Variants in LCOR observed in about 807,000 individuals in gnomAD.
LCOR encodes ligand dependent nuclear receptor corepressor, also known as ligand-dependent corepressor.
LCOR carries 14 observed loss-of-function variants against 64.4 expected under a neutral mutation model. The ratio of observed to expected loss-of-function variants is 0.22; its 90% confidence interval spans 0.14 to 0.34. The LOEUF is 0.34. Ranked by LOEUF, LCOR falls within the 10% of genes least tolerant of loss-of-function variation. LCOR has a pLI of 1.00. For synonymous variants in LCOR, 643 were observed against 642.5 expected, an observed-to-expected ratio of 1.00 and a Z score of -0.01; for missense variants, 1,686 against 1,765.3, an observed-to-expected ratio of 0.96 and a Z score of 0.80.
chr10:96,951,636 A>G (rs1008382665), intron 6 of LCOR, among the ~76,000 whole-genome samples: 1 of 152,130 alleles, frequency 6.6e-6, no homozygotes, highest in African/African-American at 2.4e-5. Context: ...TCTTATTTAA[A>G]GTTTTCTATA....
At chr10:96,860,603 A>G (rs1363933722) in intron 2 of LCOR, among the ~76,000 whole-genome samples, 1 of 152,264 alleles carries the variant, frequency 6.6e-6, no homozygotes, top group Non-Finnish European at 1.5e-5. Context: ...CAGCAGTCCT[A>G]GAAAGCTAAT....
At position 96,833,210 on chromosome 10, in the gene LCOR, C is replaced by T. The variant is rs1006408545; in HGVS notation, c.-403-196C>T. On this transcript the variant is annotated intron_variant, in intron 1 of 7. Transcript: ENST00000421806. ...AGCCCCGGCGGGGGTCGCTCTCGTCCCCTCCCGGGGATTGGCCGGAGCCGC... is the reference window on the plus strand; with the variant it reads ...AGCCCCGGCGGGGGTCGCTCTCGTCTCCTCCCGGGGATTGGCCGGAGCCGC... The T allele has an allele frequency of 9.1e-6, 9 of 983,676 alleles. No homozygotes were observed. The African/African-American group carries it at 1.4e-4, about 15-fold the overall frequency. The allele number at this position is 983,676 out of a possible 1,614,324, so 60.9% of individuals were successfully genotyped here. A position where few individuals can be genotyped will look rare whatever the true frequency, so the allele number is the denominator to read the frequency against.
intron 7 of LCOR, chr10:96,956,572 C>G (rs1363524111): frequency 2.0e-6 from 2 of 985,474 alleles, no homozygotes; most frequent in East Asian, 2.3e-4. Flanking sequence ...TAGTGCTCAC[C>G]CAGAGGGGAA....
At chr10:96,923,627 G>A (rs1034582318) in intron 4 of LCOR, among the ~76,000 whole-genome samples, 4 of 152,114 alleles carry the variant, frequency 2.6e-5, no homozygotes, top group Admixed American at 6.5e-5. Flanking sequence ...AGAAACTTTC[G>A]GAAATGTTCA....
intron 2 of LCOR, among the ~76,000 whole-genome samples, chr10:96,882,097 A>T (rs1474275618): frequency 1.3e-5 from 2 of 152,320 alleles, no homozygotes; most frequent in East Asian, 1.9e-4. Flanking sequence ...TGTATTAATT[A>T]TTCGAACTAA....
At position 96,982,872 on chromosome 10, in the gene LCOR, A is replaced by G. The variant is rs1443224164; in HGVS notation, c.2412A>G (p.Lys804=). The change falls in exon 8 of 8, where the codon AAA becomes AAG. Residue 804 remains lysine, a synonymous_variant. Transcript: ENST00000421806. The stretch of plus-strand genomic sequence containing the variant: ...TCGAAGAGAATTTGGACAAGAAGAA[A>G]AAAGGTAAAAAATTCCCTGAGGCCT... The part of the protein sequence containing the change: ...DSLEENLDKK[K]KGKKFPEASD... The G allele has an allele frequency of 1.2e-6, 2 of 1,613,946 alleles. No individual in the cohort carries two copies. Among genetic ancestry groups the G allele is most frequent in the African/African-American group, 1.3e-5 (1 of 74,946 alleles).
chr10:96,878,197 T>C (rs1846202701), intron 2 of LCOR, among the ~76,000 whole-genome samples: 1 of 152,170 alleles, frequency 6.6e-6, no homozygotes, highest in African/African-American at 2.4e-5. Flanking sequence ...AGCAGCATTG[T>C]AGGCGTTTGA....
chr10:96,870,562 G>A (rs901548414), intron 2 of LCOR, among the ~76,000 whole-genome samples: 3 of 152,140 alleles, frequency 2.0e-5, no homozygotes, highest in African/African-American at 7.2e-5. Flanking sequence ...CTAATTTCAA[G>A]TCTTTTTAAA....
At chr10:96,880,387 C>G (rs1846242740) in intron 2 of LCOR, among the ~76,000 whole-genome samples, 1 of 151,944 alleles carries the variant, frequency 6.6e-6, no homozygotes, top group Non-Finnish European at 1.5e-5. Context: ...ATCTATATTC[C>G]TTGTTTTTTG....
At chr10:96,966,781 G>C (rs1004415070) in intron 7 of LCOR, among the ~76,000 whole-genome samples, 3 of 152,154 alleles carry the variant, frequency 2.0e-5, no homozygotes, top group Non-Finnish European at 2.9e-5. Flanking sequence ...TATCTCCCAG[G>C]TTGGAGTGCA....
chr10:96,941,397 C>T (rs1190320538), intron 4 of LCOR, among the ~76,000 whole-genome samples: 1 of 146,210 alleles, frequency 6.8e-6, no homozygotes, highest in East Asian at 2.2e-4. Flanking sequence ...GACTGGGCGG[C>T]TGGCCGGGCA....
intron 5 of LCOR, among the ~76,000 whole-genome samples, chr10:96,945,397 C>T (rs1847570009): frequency 6.6e-6 from 1 of 152,062 alleles, no homozygotes; most frequent in African/African-American, 2.4e-5. Context: ...TTCTGTGGCA[C>T]TTTTTTTCCC....
chr10:96,845,465 T>C, intron 2 of LCOR, among the ~76,000 whole-genome samples: 1 of 82,366 alleles, frequency 1.2e-5, no homozygotes, highest in African/African-American at 5.2e-5. Context: ...TTTTTTTTTT[T>C]TTTTTTTTTT....
At chr10:96,874,893 C>A (rs1419841899) in intron 2 of LCOR, among the ~76,000 whole-genome samples, 1 of 152,058 alleles carries the variant, frequency 6.6e-6, no homozygotes, top group African/African-American at 2.4e-5. Flanking sequence ...ACCTCAGCCT[C>A]TTAAAGTGCT....
intron 2 of LCOR, among the ~76,000 whole-genome samples, chr10:96,852,797 T>A (rs1361242225): frequency 6.6e-6 from 1 of 152,302 alleles, no homozygotes; most frequent in East Asian, 1.9e-4. Context: ...AGTCTTTTTT[T>A]AGTGACTATT....
At chr10:96,929,018 T>C (rs1241706348) in intron 4 of LCOR, among the ~76,000 whole-genome samples, 1 of 152,190 alleles carries the variant, frequency 6.6e-6, no homozygotes, top group East Asian at 1.9e-4. Context: ...TATAAACACA[T>C]GTGTTGTCAT....
intron 7 of LCOR, chr10:96,956,582 A>C: frequency 1.0e-6 from 1 of 985,814 alleles, no homozygotes; most frequent in African/African-American, 1.7e-5. Context: ...CCAGAGGGGA[A>C]GGTGGTGGAA....
At chr10:96,944,769 G>T (rs1847558108) in intron 5 of LCOR, among the ~76,000 whole-genome samples, 1 of 151,976 alleles carries the variant, frequency 6.6e-6, no homozygotes, top group Non-Finnish European at 1.5e-5. Flanking sequence ...CCCTGCATTT[G>T]AGGTGGCATT....
chr10:96,964,950 C>T (rs1021226668), intron 7 of LCOR, among the ~76,000 whole-genome samples: 2 of 152,018 alleles, frequency 1.3e-5, no homozygotes, highest in Non-Finnish European at 2.9e-5. Context: ...TGGCAGTTCG[C>T]TGATAATTCC....
Sources: allele counts gnomAD v4.1 joint callset (sites outside exome capture counted in the v4.1 genomes callset), GRCh38; gene constraint gnomAD v4.1.1; transcripts MANE v1.5; gene names NCBI Gene and HGNC (gene_info 2026-07-23, HGNC 2026-07-21).